Variants in SORCS3 observed in about 807,000 individuals in gnomAD.
The protein encoded by SORCS3 is VPS10 domain-containing receptor SorCS3.
In SORCS3, 57 loss-of-function variants were observed where a neutral mutation model predicts 146.3. That is an observed-to-expected ratio of 0.39 (90% CI 0.31 to 0.49). The LOEUF is 0.49. Among genes scored for constraint, SORCS3 ranks in the 20% least tolerant of loss-of-function variants. The probability of loss-of-function intolerance (pLI) is 0.92; values close to 1 mark genes in which losing one functional copy is unlikely to be tolerated. For missense variants in SORCS3, 1,341 were observed against 1,575.5 expected, an observed-to-expected ratio of 0.85 and a Z score of 2.52; for synonymous variants, 653 against 618.5, an observed-to-expected ratio of 1.06 and a Z score of -0.83.
At chr10:104,911,623 G>C (rs1240194756) in intron 2 of SORCS3, among the ~76,000 whole-genome samples, 1 of 152,178 alleles carries the variant, frequency 6.6e-6, no homozygotes, top group African/African-American at 2.4e-5. Flanking sequence ...AAACAACTTA[G>C]CATTGTGTTG....
intron 1 of SORCS3, among the ~76,000 whole-genome samples, chr10:104,790,204 G>A (rs1030188988): frequency 1.3e-5 from 2 of 152,356 alleles, no homozygotes; most frequent in African/African-American, 4.8e-5. Flanking sequence ...AAAAGATAAT[G>A]TAAGGTGCAT....
intron 1 of SORCS3, among the ~76,000 whole-genome samples, chr10:104,764,031 T>G (rs1589490248): frequency 6.7e-6 from 1 of 149,022 alleles, no homozygotes. Flanking sequence ...GAATTACCAG[T>G]GGAAGGTACT....
At chr10:104,761,514 C>G (rs1263398364) in intron 1 of SORCS3, among the ~76,000 whole-genome samples, 1 of 152,160 alleles carries the variant, frequency 6.6e-6, no homozygotes, top group East Asian at 1.9e-4. Context: ...AGACAAGGCT[C>G]TTCCATCCCC....
At chr10:105,042,880 A>C (rs904263428) in intron 4 of SORCS3, among the ~76,000 whole-genome samples, 175 bp from the exon 5 acceptor site, 3 of 152,266 alleles carry the variant, frequency 2.0e-5, no homozygotes, top group Admixed American at 1.3e-4. Flanking sequence ...GAACCCACGT[A>C]ATGCTAGAAG....
intron 1 of SORCS3, among the ~76,000 whole-genome samples, chr10:104,728,069 A>ATCTG (rs2037480547): frequency 6.8e-6 from 1 of 147,710 alleles, no homozygotes; most frequent in Non-Finnish European, 1.5e-5. Flanking sequence ...CTATCTATCT[A>ATCTG]TCTAATCTAT....
At chr10:105,129,877 A>T (rs1453825920) in intron 7 of SORCS3, among the ~76,000 whole-genome samples, 2 of 152,092 alleles carry the variant, frequency 1.3e-5, no homozygotes, top group African/African-American at 4.8e-5. Context: ...GCTGAGGGCA[A>T]GGAGAATTTC....
chr10:105,115,051 G>T (rs1453404003), intron 7 of SORCS3, among the ~76,000 whole-genome samples: 1 of 152,090 alleles, frequency 6.6e-6, no homozygotes, highest in Non-Finnish European at 1.5e-5. Context: ...CTAGAAGTAT[G>T]CCAGGTGCAA....
chr10:104,709,720 A>G (rs1317348174), intron 1 of SORCS3, among the ~76,000 whole-genome samples: 3 of 152,208 alleles, frequency 2.0e-5, no homozygotes, highest in Non-Finnish European at 2.9e-5. Flanking sequence ...TGCAAAGCCC[A>G]TACTCTGAAA....
intron 4 of SORCS3, among the ~76,000 whole-genome samples, chr10:105,027,327 G>A (rs2055237925): frequency 6.6e-6 from 1 of 152,116 alleles, no homozygotes; most frequent in Non-Finnish European, 1.5e-5. Context: ...TCCACATTGT[G>A]TTCACGGATC....
intron 4 of SORCS3, among the ~76,000 whole-genome samples, chr10:105,009,244 A>C (rs1315985502): frequency 6.6e-6 from 1 of 152,200 alleles, no homozygotes; most frequent in South Asian, 2.1e-4. Context: ...CCAAAGGAGA[A>C]ACTAATTTTT....
chr10:104,802,669 A>G (rs979137356), intron 1 of SORCS3, among the ~76,000 whole-genome samples: 5 of 152,222 alleles, frequency 3.3e-5, no homozygotes, highest in Non-Finnish European at 5.9e-5. Flanking sequence ...TCCCTGAAAA[A>G]TGAAACATAA....
chr10:105,145,694 G>A (rs1437056137), intron 8 of SORCS3, among the ~76,000 whole-genome samples: 1 of 152,068 alleles, frequency 6.6e-6, no homozygotes, highest in East Asian at 1.9e-4. Context: ...GTTTTTAAGA[G>A]TAAGCTTTTT....
intron 2 of SORCS3, among the ~76,000 whole-genome samples, chr10:104,907,675 T>C (rs1258666726): frequency 6.6e-6 from 1 of 152,162 alleles, no homozygotes; most frequent in Non-Finnish European, 1.5e-5. Context: ...AGAGACGAAT[T>C]AATTATCCTG....
At chr10:104,793,859 T>C (rs1040933833) in intron 1 of SORCS3, among the ~76,000 whole-genome samples, 4 of 152,138 alleles carry the variant, frequency 2.6e-5, no homozygotes, top group African/African-American at 9.7e-5. Flanking sequence ...CAGGTGGAAA[T>C]TGTGGATCTA....
intron 1 of SORCS3, among the ~76,000 whole-genome samples, chr10:104,734,985 A>C (rs1011426906): frequency 3.9e-5 from 6 of 152,214 alleles, no homozygotes; most frequent in African/African-American, 1.2e-4. Flanking sequence ...TTTTTTTAAA[A>C]AACCATTTTT....
chr10:104,763,404 A>G (rs1188325196), intron 1 of SORCS3, among the ~76,000 whole-genome samples: 8 of 152,228 alleles, frequency 5.3e-5, no homozygotes, highest in Admixed American at 1.3e-4. Flanking sequence ...GTACCTTAAA[A>G]TAGAGGTTTC....
At chr10:105,020,017 G>A (rs2055189447) in intron 4 of SORCS3, among the ~76,000 whole-genome samples, 1 of 152,138 alleles carries the variant, frequency 6.6e-6, no homozygotes, top group Non-Finnish European at 1.5e-5. Flanking sequence ...AGCAGTAGCA[G>A]CTACTTACAA....
At chr10:104,952,259 A>G (rs2019440194) in intron 3 of SORCS3, among the ~76,000 whole-genome samples, 3 of 71,234 alleles carry the variant, frequency 4.2e-5, no homozygotes, top group South Asian at 1.1e-3. Flanking sequence ...ATGTTTGAAA[A>G]AAAAAAAAAA....
At position 104,916,766 on chromosome 10, in the gene SORCS3, T is replaced by TA. The variant is rs368174736; in HGVS notation, c.795+843dup. 7.6e-4 allele frequency among the ~76,000 whole-genome samples: 115 copies of TA among 151,000 alleles called. 1 individual carries two copies. Among genetic ancestry groups the TA allele is most frequent in the African/African-American group, 2.3e-3 (94 of 41,162 alleles). ...GGTCATTTTAATATTTCTAAAAGGC[T>TA]AAAAAAAAATGGCACCACCAAGCTC... On this transcript the variant is annotated intron_variant, in intron 3 of 26. Transcript: ENST00000369701.
Sources: gnomAD v4.1 joint callset for allele counts (sites outside exome capture counted in the v4.1 genomes callset) on GRCh38, gnomAD v4.1.1 for gene constraint, MANE v1.5 for transcripts, NCBI Gene and HGNC (gene_info 2026-07-23, HGNC 2026-07-21) for gene names.